Variants in PCDHGB3 observed in about 807,000 individuals in gnomAD.
PCDHGB3 encodes protocadherin gamma-B3.
In PCDHGB3, 40 loss-of-function variants were observed where a neutral mutation model predicts 59.2. The observed-to-expected ratio is 0.68, with a 90% CI of 0.52 to 0.88. The LOEUF (loss-of-function observed/expected upper bound fraction) is 0.88, where lower values mean the gene tolerates loss of function less well. PCDHGB3 is among the 40% of genes least tolerant of loss of function. The probability of loss-of-function intolerance (pLI) is 0.00; values close to 1 mark genes in which losing one functional copy is unlikely to be tolerated. For synonymous variants in PCDHGB3, 581 were observed against 503.6 expected (o/e 1.15, Z -2.06); for missense variants, 1,309 against 1,187.9 (o/e 1.10, Z -1.50).
rs184178455 is a variant in PCDHGB3 at position 141,428,574 on chromosome 5, T to C, written c.2415+55765T>C. ...CAGTCCCCCCACAAGATCTTTCTAA[T>C]GAAGTTTCTCTGGTAGCAAGCTTCA... is the stretch of plus-strand genomic sequence containing the variant. On this transcript the variant is annotated intron_variant, in intron 1 of 3. Transcript: ENST00000576222. 1.8e-3 allele frequency: 416 copies of C among 229,070 alleles called. 3 individuals are homozygous for C. The highest frequency in any genetic ancestry group is 2.8e-3 in the Non-Finnish European group (314 of 113,918). The allele number at this position is 229,070 out of a possible 1,614,324, so 14.2% of individuals were successfully genotyped here. A position where few individuals can be genotyped will look rare whatever the true frequency, so the allele number is the denominator to read the frequency against.
intron 1 of PCDHGB3, chr5:141,375,109 T>C (rs199796645): frequency 4.0e-5 from 65 of 1,613,834 alleles, no homozygotes; most frequent in Non-Finnish European, 5.3e-5. Flanking sequence ...ATGTCAATGA[T>C]AATGTACCAG....
chr5:141,375,829 A>G, intron 1 of PCDHGB3: 1 of 1,614,140 alleles, frequency 6.2e-7, no homozygotes, highest in African/African-American at 1.3e-5. Context: ...CCCGCTCCGC[A>G]GAGCCCGGCT....
In PCDHGB3 at chr5:141,450,548, G is replaced by A. The variant is rs186010209; in HGVS notation, c.2416-44259G>A. 3.3e-4 allele frequency among the ~76,000 whole-genome samples: 50 copies of A among 151,716 alleles called. 1 individual carries two copies. Among genetic ancestry groups the A allele is most frequent in the African/African-American group, 9.9e-4 (41 of 41,366 alleles). On this transcript the variant is annotated intron_variant, in intron 1 of 3. Transcript: ENST00000576222. ...GTCACCCAGGCTGGAATGCAGTGGC[G>A]CAGTCTCGGCTCACTGCAACTTCTG... is the stretch of plus-strand genomic sequence containing the variant.
chr5:141,435,542 A>C (rs1402711516), intron 1 of PCDHGB3, among the ~76,000 whole-genome samples: 1 of 152,146 alleles, frequency 6.6e-6, no homozygotes, highest in Non-Finnish European at 1.5e-5. Flanking sequence ...GAATTAACAA[A>C]ATGTGTTTTG....
intron 1 of PCDHGB3, chr5:141,385,646 C>A: frequency 1.4e-6 from 1 of 737,590 alleles, no homozygotes; most frequent in Non-Finnish European, 1.7e-6. Flanking sequence ...TTTCATATTG[C>A]ACAAGGTTAG....
intron 1 of PCDHGB3, chr5:141,375,845 G>C (rs1308593204): frequency 6.2e-7 from 1 of 1,614,076 alleles, no homozygotes; most frequent in East Asian, 2.2e-5. Flanking sequence ...CGGCTACCTG[G>C]TGACCAAGGT....
rs751560177 is a variant in PCDHGB3 at position 141,432,962 on chromosome 5, G to T, written c.2415+60153G>T. 7 of 1,614,092 alleles carry T rather than the reference G, an allele frequency of 4.3e-6. No individual in the cohort carries two copies. The highest frequency in any genetic ancestry group is 5.9e-6 in the Non-Finnish European group (7 of 1,180,046). Reference sequence around the variant, plus strand: ...GGCTTCAGGAGGCGGCTTGACAGGAGCGCCGGCGTCGCACTTTGTGGGCGT... The same window carrying T: ...GGCTTCAGGAGGCGGCTTGACAGGATCGCCGGCGTCGCACTTTGTGGGCGT... On this transcript the variant is annotated intron_variant, in intron 1 of 3. Transcript: ENST00000576222. The surrounding 1 kb of genome is among the most constrained non-coding windows in gnomAD (Gnocchi z 6.0).
chr5:141,419,638 C>G, intron 1 of PCDHGB3: 1 of 1,612,456 alleles, frequency 6.2e-7, no homozygotes, highest in Non-Finnish European at 8.5e-7. Context: ...AGGTGGTGGC[C>G]GTGGACGCGG....
chr5:141,469,005 G>A (rs1011079995), intron 1 of PCDHGB3, among the ~76,000 whole-genome samples: 7 of 151,814 alleles, frequency 4.6e-5, no homozygotes, highest in South Asian at 2.1e-4. Context: ...TGCTGGGTGC[G>A]GTGGGTCACT....
rs115340023 is a variant in PCDHGB3 at position 141,387,818 on chromosome 5, G to T, written c.2415+15009G>T. 2,906 of 1,551,554 alleles carry T rather than the reference G, an allele frequency of 1.9e-3. 45 individuals carry two copies. The African/African-American group carries it at 0.028, about 15-fold the overall frequency. ...AGTCCGTTCGGAGATCCAAAAATCT[G>T]CAATACAGAGGTTATTTGTAACCCG... On this transcript the variant is annotated intron_variant, in intron 1 of 3. Transcript: ENST00000576222.
Position 141,476,035 on chromosome 5 carries a change from C to A in PCDHGB3, c.2416-18772C>A. On this transcript the variant is annotated intron_variant, in intron 1 of 3. Coordinates refer to ENST00000576222, the MANE Select transcript of PCDHGB3 (RefSeq NM_018924.5). This position sits in a 1 kb window ranked among gnomAD's most constrained non-coding sequence, Gnocchi z 7.6. ...CATGTCGGACTCGGCGCCCAGCGCCCAAGCGCTAACCCGCTGAAAGTTTCT... is the reference window on the plus strand; with the variant it reads ...CATGTCGGACTCGGCGCCCAGCGCCAAAGCGCTAACCCGCTGAAAGTTTCT... The A allele has an allele frequency of 1.4e-6, 2 of 1,466,592 alleles. No individual in the cohort carries two copies. The highest frequency in any genetic ancestry group is 1.8e-6 in the Non-Finnish European group (2 of 1,102,494). 90.8% of individuals were successfully genotyped at this position (1,466,592 alleles called of 1,614,324 possible). A position where few individuals can be genotyped will look rare whatever the true frequency, so the allele number is the denominator to read the frequency against.
chr5:141,455,919 A>T, intron 1 of PCDHGB3, among the ~76,000 whole-genome samples: 1 of 145,568 alleles, frequency 6.9e-6, no homozygotes, highest in Non-Finnish European at 1.5e-5. Context: ...TTATTTTGAG[A>T]CGGAGTCTCG....
intron 1 of PCDHGB3, chr5:141,390,867 C>CGT (rs61319619): frequency 0.024 from 3,656 of 151,102 alleles, 86 homozygotes; most frequent in African/African-American, 0.056. Flanking sequence ...GCTGTGTGTG[C>CGT]GTGTGTGTGT....
chr5:141,421,102 T>G, intron 1 of PCDHGB3: 1 of 691,404 alleles, frequency 1.4e-6, no homozygotes, highest in Non-Finnish European at 2.4e-6. Flanking sequence ...CACTGGAGAC[T>G]TAGAAGTATT....
At chr5:141,389,061 T>C in intron 1 of PCDHGB3, 1 of 1,614,022 alleles carries the variant, frequency 6.2e-7, no homozygotes, top group Non-Finnish European at 8.5e-7. Context: ...ATTTAAAATA[T>C]TAACTTCTTC....
At position 141,415,363 on chromosome 5, in the gene PCDHGB3, C is replaced by T. The variant is rs62378454; in HGVS notation, c.2415+42554C>T. 7,186 of 1,614,240 alleles carry T rather than the reference C, an allele frequency of 4.5e-3. 30 individuals carry two copies. Among genetic ancestry groups the T allele is most frequent in the South Asian group, 5.6e-3 (509 of 91,092 alleles). Reference sequence around the variant, plus strand: ...GCGCTGGCACAAGTCACGCCTGCTGCAGGCTTCAGGAGGCGGCTTGACAGG... The same window carrying T: ...GCGCTGGCACAAGTCACGCCTGCTGTAGGCTTCAGGAGGCGGCTTGACAGG... On this transcript the variant is annotated intron_variant, in intron 1 of 3. Transcript: ENST00000576222.
chr5:141,409,000 C>A, intron 1 of PCDHGB3: 4 of 1,613,950 alleles, frequency 2.5e-6, no homozygotes, highest in Non-Finnish European at 3.4e-6. Flanking sequence ...AAGTGACAGC[C>A]ACTGACCAGG....
intron 1 of PCDHGB3, among the ~76,000 whole-genome samples, chr5:141,382,210 G>T (rs61675507): frequency 0.17 from 26,250 of 151,970 alleles, 2,491 homozygotes; most frequent in Admixed American, 0.27. Context: ...TATTAAAATA[G>T]GTCTATATAT....
At chr5:141,504,452 T>C (rs1208972630) in intron 2 of PCDHGB3, among the ~76,000 whole-genome samples, 1 of 152,060 alleles carries the variant, frequency 6.6e-6, no homozygotes, top group Non-Finnish European at 1.5e-5. Flanking sequence ...TAGTGCCATG[T>C]GGGGCAGCCG....
Sources: gnomAD v4.1 joint callset for allele counts (sites outside exome capture counted in the v4.1 genomes callset) on GRCh38, gnomAD v4.1.1 for gene constraint, Gnocchi (gnomAD v3.1) non-coding constraint, MANE v1.5 for transcripts, NCBI Gene and HGNC (gene_info 2026-07-23, HGNC 2026-07-21) for gene names.